Variants in LRBA observed in about 807,000 individuals in gnomAD.
LRBA encodes the protein lipopolysaccharide-responsive and beige-like anchor protein.
In LRBA, 176 loss-of-function variants were observed where a neutral mutation model predicts 330.0. That is an observed-to-expected ratio of 0.53 (90% CI 0.47 to 0.60). LRBA has a LOEUF of 0.60. Among genes scored for constraint, LRBA ranks in the 20% least tolerant of loss-of-function variants. The probability of loss-of-function intolerance (pLI) is 0.00; values close to 1 mark genes in which losing one functional copy is unlikely to be tolerated. For synonymous variants in LRBA, 1,230 were observed against 1,193.0 expected (o/e 1.03, Z -0.64); for missense variants, 3,259 against 3,444.8 (o/e 0.95, Z 1.35).
At chr4:150,622,622 C>T (rs999472567) in intron 37 of LRBA, among the ~76,000 whole-genome samples, 4 of 149,830 alleles carry the variant, frequency 2.7e-5, no homozygotes, top group Non-Finnish European at 4.4e-5. Flanking sequence ...GGGGAAAATG[C>T]GGGAGCTTCA....
intron 40 of LRBA, chr4:150,580,912 G>T (rs553545014): frequency 1.6e-4 from 25 of 153,012 alleles, no homozygotes; most frequent in Admixed American, 3.3e-4. Context: ...TCTTTTAAAA[G>T]CAAGAGTCAA....
intron 36 of LRBA, among the ~76,000 whole-genome samples, chr4:150,690,796 A>G (rs1425382974): frequency 6.6e-6 from 1 of 152,130 alleles, no homozygotes. Context: ...AAAACACAAC[A>G]GCAGATTTTT....
intron 44 of LRBA, among the ~76,000 whole-genome samples, chr4:150,438,567 C>G (rs927990875): frequency 5.9e-5 from 9 of 151,956 alleles, no homozygotes; most frequent in Admixed American, 3.9e-4. Context: ...CATTTATGAA[C>G]ACCTATTAGT....
At chr4:150,508,672 T>A (rs1287220677) in intron 40 of LRBA, among the ~76,000 whole-genome samples, 1 of 152,224 alleles carries the variant, frequency 6.6e-6, no homozygotes, top group Non-Finnish European at 1.5e-5. Flanking sequence ...AGGCTTTATT[T>A]AACTATCCTA....
rs145438586 is a variant in LRBA, at chr4:150,820,069, A to T, written c.5172-2812T>A. Among the ~76,000 whole-genome samples, 1,013 of 152,182 alleles carry T rather than the reference A, an allele frequency of 6.7e-3. 14 individuals carry two copies. The highest frequency in any genetic ancestry group is 0.023 in the African/African-American group (948 of 41,556). ...ATCCTGCTTGCTTGTTAGGTAATAT[A>T]AAATTATAAATTCTAATAGCAGCTA... On this transcript the variant is annotated intron_variant, in intron 30 of 56. Transcript: ENST00000651943.
At chr4:150,441,767 T>A (rs569158929) in intron 44 of LRBA, among the ~76,000 whole-genome samples, 1 of 147,876 alleles carries the variant, frequency 6.8e-6, no homozygotes, top group Non-Finnish European at 1.5e-5. Context: ...AAAGTCCTTC[T>A]CTGGGCCATG....
intron 47 of LRBA, among the ~76,000 whole-genome samples, chr4:150,375,622 AT>A (rs5862917): frequency 0.34 from 48,804 of 143,304 alleles, 9,528 homozygotes; most frequent in South Asian, 0.48. Flanking sequence ...CCACACCTGT[AT>A]TTTTTTTTTT....
At chr4:150,497,417 A>C (rs1759720656) in intron 40 of LRBA, among the ~76,000 whole-genome samples, 1 of 152,168 alleles carries the variant, frequency 6.6e-6, no homozygotes, top group African/African-American at 2.4e-5. Flanking sequence ...TTTCTTACTA[A>C]ATGTATATCC....
chr4:150,950,227 T>C (rs568098423), intron 2 of LRBA, among the ~76,000 whole-genome samples: 4 of 152,234 alleles, frequency 2.6e-5, no homozygotes, highest in Middle Eastern at 6.8e-3. Context: ...AAATCAGAAA[T>C]CTCTCACTAT....
At chr4:150,775,751 C>T (rs1369689830) in intron 34 of LRBA, among the ~76,000 whole-genome samples, 1 of 104,730 alleles carries the variant, frequency 9.5e-6, no homozygotes, top group Non-Finnish European at 1.9e-5. Flanking sequence ...GGTGAGTGCA[C>T]AGAAATATAA....
intron 40 of LRBA, among the ~76,000 whole-genome samples, chr4:150,540,064 C>T (rs1765149505): frequency 1.3e-5 from 2 of 152,000 alleles, no homozygotes; most frequent in African/African-American, 2.4e-5. Context: ...ACTTACTTTC[C>T]GTTATATGTC....
At position 150,537,634 on chromosome 4, in the gene LRBA, A is replaced by G. The variant is rs114035962; in HGVS notation, c.6331-46599T>C. Among the ~76,000 whole-genome samples the G allele has an allele frequency of 6.8e-3, 1,034 of 152,280 alleles. 6 individuals are homozygous for G. Among genetic ancestry groups the G allele is most frequent in the Middle Eastern group, 0.014 (4 of 292 alleles). On this transcript the variant is annotated intron_variant, in intron 40 of 56. Transcript: ENST00000651943. ...CTATAGGAAACTTCATTCAACAAGC[A>G]AAACCCAAAGAACCCCATTAAAAAG...
chr4:150,642,791 T>C (rs1242716618), intron 37 of LRBA, among the ~76,000 whole-genome samples: 1 of 151,898 alleles, frequency 6.6e-6, no homozygotes, highest in East Asian at 1.9e-4. Flanking sequence ...TTAAACTGTA[T>C]TGAAGTAGAT....
intron 42 of LRBA, among the ~76,000 whole-genome samples, chr4:150,479,095 A>G (rs1757020333): frequency 6.6e-6 from 1 of 151,982 alleles, no homozygotes; most frequent in Non-Finnish European, 1.5e-5. Context: ...ATCAGCCTGG[A>G]CAATGGAGCA....
rs1465512534 is a variant in LRBA at position 150,852,749 on chromosome 4, T to C, written c.2961A>G (p.Thr987=). 1 of 1,613,964 alleles carries C rather than the reference T, an allele frequency of 6.2e-7. No individual in the cohort carries two copies. The highest frequency in any genetic ancestry group is 2.2e-5 in the East Asian group (1 of 44,862). Residue 987 remains threonine, a synonymous_variant, in exon 23 of 57, where the codon ACA becomes ACG. Coordinates refer to ENST00000651943, the MANE Select transcript of LRBA (RefSeq NM_001364905.1). ...CTATACTTGAATTTTCATTACCATT[T>C]GTGGTGAAATGAGGACAGACAGGAG... ...KDSPVCPHFT[T]NGNENSSIEK...
In LRBA at chr4:151,014,468, C is replaced by T. The variant is rs199469664; in HGVS notation, c.175G>A (p.Glu59Lys). 6.2e-7 allele frequency: 1 copy of T among 1,614,196 alleles called. No individual in the cohort carries two copies. Among genetic ancestry groups the T allele is most frequent in the South Asian group, 1.1e-5 (1 of 91,080 alleles). Residue 59 changes from glutamate to lysine, a missense_variant, in exon 2 of 57, where the codon GAA becomes AAA. Coordinates refer to ENST00000651943, the MANE Select transcript of LRBA (RefSeq NM_001364905.1). ...AVLTGLVEVG[E>K]VSNRDIVETV... ...TCTACAATATCCCTATTGGATACTT[C>T]TCCAACTTCAACCAAACCGGTCAAC...
intron 18 of LRBA, among the ~76,000 whole-genome samples, chr4:150,872,048 AACACTGTCCTT>A (rs987286757): frequency 1.6e-4 from 25 of 152,178 alleles, no homozygotes; most frequent in African/African-American, 6.0e-4. Context: ...GTCACAACTC[AACACTGTCCTT>A]GTATCATGAA....
intron 5 of LRBA, among the ~76,000 whole-genome samples, chr4:150,920,927 AC>A (rs1330398206): frequency 5.3e-5 from 8 of 152,254 alleles, no homozygotes; most frequent in African/African-American, 1.9e-4. Context: ...GCTACTTAAG[AC>A]AACATGGCTA....
chr4:150,950,021 A>T (rs181110383), intron 2 of LRBA, among the ~76,000 whole-genome samples: 31 of 152,298 alleles, frequency 2.0e-4, no homozygotes, highest in African/African-American at 7.5e-4. Flanking sequence ...GAACCTTCAA[A>T]CAGGAAATGA....
Sources: allele counts gnomAD v4.1 joint callset (sites outside exome capture counted in the v4.1 genomes callset), GRCh38; gene constraint gnomAD v4.1.1; transcripts MANE v1.5; gene names NCBI Gene and HGNC (gene_info 2026-07-23, HGNC 2026-07-21).